C4A: variants seen among roughly 807,000 people sequenced by gnomAD.
C4A encodes the protein complement C4-A.
In C4A, 12 loss-of-function variants were observed where a neutral mutation model predicts 45.7. The observed-to-expected ratio is 0.26, with a 90% confidence interval of 0.17 to 0.43. The LOEUF (loss-of-function observed/expected upper bound fraction) is 0.43. Ranked by LOEUF, C4A falls within the 20% of genes least tolerant of loss-of-function variation. The pLI, the probability that C4A is intolerant of heterozygous loss-of-function variation, is 1.00. For synonymous variants in C4A, 66 were observed against 230.7 expected (o/e 0.29, Z 6.47); for missense variants, 127 against 534.4 (o/e 0.24, Z 7.52).
rs780167237 is a variant in C4A at position 31,996,618 on chromosome 6, C to G, written c.3676+18C>G. On this transcript the variant is annotated intron_variant, in intron 28 of 40. Transcript: ENST00000428956. ...GACTGGAGGTGAGGGGTGAGGCGCT[C>G]CTGGCAGTGAGCCTGAGGCCCAGGG... 8 of 1,585,746 alleles carry G rather than the reference C, an allele frequency of 5.0e-6. 1 individual carries two copies. Among genetic ancestry groups the G allele is most frequent in the Non-Finnish European group, 6.9e-6 (8 of 1,157,058 alleles).
rs533195749 is a variant in C4A, at chr6:31,996,337, C to T, written c.3504+14C>T. On this transcript the variant is annotated intron_variant, in intron 27 of 40. Coordinates refer to ENST00000428956, the MANE Select transcript of C4A (RefSeq NM_007293.3). ...AAGCAGAGAGTGGTAAGTTCAGTGG[C>T]GTTTCTGCCCTCTGCTGGCCCCCAG... is the stretch of plus-strand genomic sequence containing the variant. 11 of 1,571,260 alleles carry T rather than the reference C, an allele frequency of 7.0e-6. 1 individual carries two copies. Among genetic ancestry groups the T allele is most frequent in the East Asian group, 4.5e-5 (2 of 44,658 alleles).
rs1774431156 is a variant in C4A at position 31,996,071 on chromosome 6, C to T, written c.3347C>T (p.Ser1116Leu). ...WLLSQQQADG[S>L]FQDPCPVLDR... ...CTGTCCCAGCAGCAGGCTGACGGCTCGTTCCAGGACCCCTGTCCAGTGTTA... is the reference window on the plus strand; with the variant it reads ...CTGTCCCAGCAGCAGGCTGACGGCTTGTTCCAGGACCCCTGTCCAGTGTTA... The change falls in exon 26 of 41, where the codon TCG becomes TTG. Residue 1116 changes from serine (S) to leucine (L), a missense_variant. Transcript: ENST00000428956. The T allele has an allele frequency of 6.9e-6, 11 of 1,587,348 alleles. No homozygotes were observed. Among genetic ancestry groups the T allele is most frequent in the South Asian group, 2.2e-5 (2 of 90,782 alleles).
At position 31,995,936 on chromosome 6, in the gene C4A, C is replaced by T. The variant is rs1774421184; in HGVS notation, c.3231-19C>T. The T allele has an allele frequency of 2.6e-6, 4 of 1,558,988 alleles. 1 individual carries two copies. The highest frequency in any genetic ancestry group is 3.5e-6 in the Non-Finnish European group (4 of 1,140,196). On this transcript the variant is annotated intron_variant, in intron 25 of 40. Coordinates refer to ENST00000428956, the MANE Select transcript of C4A (RefSeq NM_007293.3). ...GAGAAGCAAGTCCTTATCCCCAACCCTCCTTTCCTGCCCTCCAGGCTCACA... is the reference window on the plus strand; with the variant it reads ...GAGAAGCAAGTCCTTATCCCCAACCTTCCTTTCCTGCCCTCCAGGCTCACA...
chr6:31,996,129 C>T lies in C4A; in HGVS notation c.3387+18C>T. ...GCATGCAGGTGCGGGCATGCTGGGG[C>T]TGGCCCGAGAAGCGCCTGTCGGAGG... On this transcript the variant is annotated intron_variant, in intron 26 of 40. Coordinates refer to ENST00000428956, the MANE Select transcript of C4A (RefSeq NM_007293.3). 6.3e-7 allele frequency: 1 copy of T among 1,587,294 alleles called. No individual in the cohort carries two copies. The highest frequency in any genetic ancestry group is 8.6e-7 in the Non-Finnish European group (1 of 1,156,596).
At position 31,996,548 on chromosome 6, in the gene C4A, C is replaced by G; in HGVS notation, c.3624C>G (p.Asp1208Glu). ...YALTLTKAPV[D>E]LLGVAHNNLM... ...TGACACTGACCAAGGCGCCTGTGGA[C>G]CTGCTCGGTGTTGCCCACAACAACC... The change falls in exon 28 of 41, where the codon GAC becomes GAG. Residue 1208 changes from aspartate to glutamate, a missense_variant. Asp to Glu is a conservative substitution (Grantham distance 45). Coordinates refer to ENST00000428956, the MANE Select transcript of C4A (RefSeq NM_007293.3). 2 of 1,586,854 alleles carry G rather than the reference C, an allele frequency of 1.3e-6. No homozygotes were observed. The highest frequency in any genetic ancestry group is 1.7e-6 in the Non-Finnish European group (2 of 1,156,796).
In C4A at chr6:31,996,482, G is replaced by A. The variant is rs769696286; in HGVS notation, c.3558G>A (p.Gly1186=). The A allele has an allele frequency of 3.8e-6, 6 of 1,588,818 alleles. No homozygotes were observed. In the African/African-American group the frequency reaches 4.1e-5, roughly 11 times the overall value. ...NSFLGEKASA[G]LLGAHAAAIT... is the part of the protein sequence containing the mutation. ...TTTTGGGGGAGAAAGCAAGTGCTGG[G>A]CTCCTGGGTGCCCACGCAGCTGCCA... The change falls in exon 28 of 41, where the codon GGG becomes GGA. Residue 1186 remains glycine (G), a synonymous_variant. Coordinates refer to ENST00000428956, the MANE Select transcript of C4A (RefSeq NM_007293.3).
Position 31,996,342 on chromosome 6 carries a change from C to T in C4A, c.3504+19C>T, listed in dbSNP as rs1774451608. 1 of 1,574,154 alleles carries T rather than the reference C, an allele frequency of 6.4e-7. No individual in the cohort carries two copies. Among genetic ancestry groups the T allele is most frequent in the Non-Finnish European group, 8.7e-7 (1 of 1,147,842 alleles). On this transcript the variant is annotated intron_variant, in intron 27 of 40. Coordinates refer to ENST00000428956, the MANE Select transcript of C4A (RefSeq NM_007293.3). ...GAGAGTGGTAAGTTCAGTGGCGTTTCTGCCCTCTGCTGGCCCCCAGCTCTC... is the reference window on the plus strand; with the variant it reads ...GAGAGTGGTAAGTTCAGTGGCGTTTTTGCCCTCTGCTGGCCCCCAGCTCTC...
rs751955402 is a variant in C4A, at chr6:31,996,534, A to G, written c.3610A>G (p.Lys1204Glu). 1.3e-6 allele frequency: 2 copies of G among 1,586,590 alleles called. No individual in the cohort carries two copies. Among genetic ancestry groups the G allele is most frequent in the Admixed American group, 1.7e-5 (1 of 59,784 alleles). The change falls in exon 28 of 41, where the codon AAG (lysine) becomes GAG (glutamate). Residue 1204 changes from lysine (K) to glutamate (E), a missense_variant. By Grantham distance (56) the Lys-to-Glu change is moderately conservative (BLOSUM62 1). Coordinates refer to ENST00000428956, the MANE Select transcript of C4A (RefSeq NM_007293.3). Reference protein sequence around the residue: ...AITAYALTLTKAPVDLLGVAH... With the variant: ...AITAYALTLTEAPVDLLGVAH... The stretch of plus-strand genomic sequence containing the variant: ...CACGGCCTATGCCCTGACACTGACC[A>G]AGGCGCCTGTGGACCTGCTCGGTGT...
Position 31,996,548 on chromosome 6 carries a change from C to A in C4A, c.3624C>A (p.Asp1208Glu). ...TGACACTGACCAAGGCGCCTGTGGACCTGCTCGGTGTTGCCCACAACAACC... is the reference window on the plus strand; with the variant it reads ...TGACACTGACCAAGGCGCCTGTGGAACTGCTCGGTGTTGCCCACAACAACC... ...YALTLTKAPV[D>E]LLGVAHNNLM... The change falls in exon 28 of 41, where the codon GAC becomes GAA. Residue 1208 changes from aspartate (D) to glutamate (E), a missense_variant. Transcript: ENST00000428956. The A allele has an allele frequency of 6.3e-7, 1 of 1,586,854 alleles. No individual in the cohort carries two copies. Among genetic ancestry groups the A allele is most frequent in the Non-Finnish European group, 8.6e-7 (1 of 1,156,796 alleles).
chr6:31,995,867 G>C, intron 25 of C4A, 73 bp downstream of exon 25: 1 of 1,526,558 alleles, frequency 6.6e-7, no homozygotes, highest in East Asian at 2.3e-5. Flanking sequence ...GAGCTGGTAT[G>C]ATGGGAGGGT....
Position 31,996,615 on chromosome 6 carries a change from G to A in C4A, c.3676+15G>A, listed in dbSNP as rs756257625. On this transcript the variant is annotated intron_variant, in intron 28 of 40. Coordinates refer to ENST00000428956, the MANE Select transcript of C4A (RefSeq NM_007293.3). ...GGAGACTGGAGGTGAGGGGTGAGGC[G>A]CTCCTGGCAGTGAGCCTGAGGCCCA... 51 of 1,588,594 alleles carry A rather than the reference G, an allele frequency of 3.2e-5. 1 individual carries two copies. Among genetic ancestry groups the A allele is most frequent in the Non-Finnish European group, 3.5e-5 (41 of 1,158,608 alleles).
rs777297715 is a variant in C4A, at chr6:31,996,075, C to T, written c.3351C>T (p.Phe1117=). 5 of 1,587,542 alleles carry T rather than the reference C, an allele frequency of 3.1e-6. No homozygotes were observed. The highest frequency in any genetic ancestry group is 2.2e-5 in the East Asian group (1 of 44,722). The change falls in exon 26 of 41, where the codon TTC becomes TTT. Residue 1117 remains phenylalanine (F), a synonymous_variant. Transcript: ENST00000428956. ...LLSQQQADGS[F]QDPCPVLDRS... is the part of the protein sequence containing the mutation. ...CCCAGCAGCAGGCTGACGGCTCGTTCCAGGACCCCTGTCCAGTGTTAGACA... is the reference window on the plus strand; with the variant it reads ...CCCAGCAGCAGGCTGACGGCTCGTTTCAGGACCCCTGTCCAGTGTTAGACA...
chr6:31,994,379 C>T lies in C4A; in HGVS notation c.2587C>T (p.Leu863=). Residue 863 remains leucine, a synonymous_variant, in exon 20 of 41, where the codon CTG becomes TTG. Transcript: ENST00000428956. ...CCTCTATAACTACCTGGATAAAAAC[C>T]TGACTGTGAGGCCCCATAGGAGCCT... is the stretch of plus-strand genomic sequence containing the variant. ...PVLYNYLDKN[L]TVSVHVSPVE... 3.0e-6 allele frequency: 4 copies of T among 1,338,834 alleles called. 1 individual carries two copies. Among genetic ancestry groups the T allele is most frequent in the Non-Finnish European group, 4.0e-6 (4 of 992,666 alleles). 82.9% of individuals were successfully genotyped at this position (1,338,834 alleles called of 1,614,324 possible). A position where few individuals can be genotyped will look rare whatever the true frequency, so the allele number is the denominator to read the frequency against.
rs374875689 is a variant in C4A at position 31,995,797 on chromosome 6, G to A, written c.3230+3G>A. 1 of 1,579,552 alleles carries A rather than the reference G, an allele frequency of 6.3e-7. No homozygotes were observed. The highest frequency in any genetic ancestry group is 1.4e-5 in the African/African-American group (1 of 73,476). Reference sequence around the variant, plus strand: ...TTGTCACGGGACAGCAGCACCTGGTGAGCTTGGGAGAGTGGTTCCAGGGTT... The same window carrying A: ...TTGTCACGGGACAGCAGCACCTGGTAAGCTTGGGAGAGTGGTTCCAGGGTT... On this transcript the variant is annotated splice_donor_region_variant and intron_variant, in intron 25 of 40. Coordinates refer to ENST00000428956, the MANE Select transcript of C4A (RefSeq NM_007293.3).
Position 31,996,840 on chromosome 6 carries a change from T to G in C4A, c.3688T>G (p.Trp1230Gly). ...MAQETGDNLY[W>G]GSVTGSQSNA... The stretch of plus-strand genomic sequence containing the variant: ...CCCTTCACTTTCAGATAACCTGTAC[T>G]GGGGCTCAGTCACTGGTTCTCAGAG... Residue 1230 changes from tryptophan to glycine, a missense_variant, in exon 29 of 41, where the codon TGG (tryptophan) becomes GGG (glycine). By Grantham distance (184) the Trp-to-Gly change is radical. Coordinates refer to ENST00000428956, the MANE Select transcript of C4A (RefSeq NM_007293.3). The G allele has an allele frequency of 9.9e-7, 1 of 1,014,748 alleles. No homozygotes were observed. Among genetic ancestry groups the G allele is most frequent in the South Asian group, 1.5e-5 (1 of 67,780 alleles). 62.9% of individuals were successfully genotyped at this position (1,014,748 alleles called of 1,614,324 possible).
intron 21 of C4A, 77 bp from the exon 22 acceptor site, chr6:31,994,873 CAA>C (rs1774378742): frequency 5.3e-6 from 5 of 945,288 alleles, no homozygotes; most frequent in Non-Finnish European, 7.9e-6. Context: ...AGTTGAAACT[CAA>C]AGTTCTGGGG....
intron 30 of C4A, 84 bp downstream of exon 30, chr6:31,997,395 C>G (rs395976): frequency 2.4e-5 from 4 of 169,216 alleles, no homozygotes; most frequent in South Asian, 1.6e-4. Flanking sequence ...GCCGTCCCCA[C>G]CCTCCCACCC....
chr6:31,996,637 C>T, intron 28 of C4A, 37 bp downstream of exon 28: 1 of 1,587,794 alleles, frequency 6.3e-7, no homozygotes. Flanking sequence ...GAGCCTGAGG[C>T]CCAGGGGACC....
chr6:31,994,419 T>TG, intron 20 of C4A, 35 bp downstream of exon 20: 1 of 1,362,238 alleles, frequency 7.3e-7, no homozygotes, highest in Non-Finnish European at 9.9e-7. Flanking sequence ...ATACAGGAGT[T>TG]GGGGGAGCCA....
Sources: allele counts gnomAD v4.1 joint callset, GRCh38; gene constraint gnomAD v4.1.1; transcripts MANE v1.5; gene names NCBI Gene and HGNC (gene_info 2026-07-23, HGNC 2026-07-21).